SLC25A15: variants seen among roughly 807,000 people sequenced by gnomAD.
SLC25A15 encodes the protein solute carrier family 25 member 15, also known as mitochondrial ornithine transporter 1.
SLC25A15 carries 24 observed loss-of-function variants against 32.3 expected under a neutral mutation model. The observed-to-expected ratio is 0.74, with a 90% confidence interval of 0.54 to 1.04. SLC25A15 has a LOEUF of 1.04. SLC25A15 is among the 50% of genes least tolerant of loss of function. The pLI is 0.00. For synonymous variants in SLC25A15, 132 were observed against 142.1 expected (o/e 0.93, Z 0.51); for missense variants, 317 against 374.5 (o/e 0.85, Z 1.27).
intron 3 of SLC25A15, among the ~76,000 whole-genome samples, chr13:40,804,219 A>G (rs879601048): frequency 2.6e-5 from 4 of 152,116 alleles, no homozygotes; most frequent in South Asian, 2.1e-4. Flanking sequence ...CTCTTCTTCT[A>G]AGGGACTAAT....
chr13:40,798,989 T>G, intron 2 of SLC25A15, 68 bp from the exon 3 acceptor site: 1 of 1,613,556 alleles, frequency 6.2e-7, no homozygotes, highest in African/African-American at 1.3e-5. Context: ...GTAGGCTGCC[T>G]GTGCCTTCCT....
chr13:40,793,044 A>G (rs1394912816), intron 1 of SLC25A15, 114 bp from the exon 2 acceptor site: 1 of 671,130 alleles, frequency 1.5e-6, no homozygotes, highest in East Asian at 2.8e-5. Context: ...CCTTTGGAAC[A>G]GTGTGGACCC....
At chr13:40,802,130 A>G (rs1881916637) in intron 3 of SLC25A15, 1 of 152,264 alleles carries the variant, frequency 6.6e-6, no homozygotes, top group African/African-American at 2.4e-5. Flanking sequence ...ATTGCCTGTC[A>G]ACAGGTTAAC....
At position 40,809,548 on chromosome 13, in the gene SLC25A15, A is replaced by G; in HGVS notation, c.787A>G (p.Thr263Ala). The stretch of plus-strand genomic sequence containing the variant: ...ACCGCCCTTTTATTTGCTAGGAATA[A>G]CGGCCTTATATTCTGGACTGAAACC... ...FINVVKNEGI[T>A]ALYSGLKPTM... is the part of the protein sequence containing the mutation. Residue 263 changes from threonine to alanine, a missense_variant, in exon 7 of 7, where the codon ACG (threonine) becomes GCG (alanine). By Grantham distance (58) the Thr-to-Ala change is moderately conservative. Transcript: ENST00000338625. 6.2e-7 allele frequency: 1 copy of G among 1,612,042 alleles called. No homozygotes were observed. The highest frequency in any genetic ancestry group is 8.5e-7 in the Non-Finnish European group (1 of 1,179,862).
At position 40,810,530 on chromosome 13, in the gene SLC25A15, A is replaced by T. The variant is rs1418387415; in HGVS notation, c.*863A>T. On this transcript the variant is annotated 3_prime_UTR_variant, in exon 7 of 7. Coordinates refer to ENST00000338625, the MANE Select transcript of SLC25A15 (RefSeq NM_014252.4). Reference sequence around the variant, plus strand: ...ACTAAAATATCCTTCTAGATTTGTAAGACAGTATACCTGCATACTGGTGTG... The same window carrying T: ...ACTAAAATATCCTTCTAGATTTGTATGACAGTATACCTGCATACTGGTGTG... Among the ~76,000 whole-genome samples, 1 of 152,182 alleles carries T rather than the reference A, an allele frequency of 6.6e-6. No individual in the cohort carries two copies. The highest frequency in any genetic ancestry group is 2.4e-5 in the African/African-American group (1 of 41,454).
intron 6 of SLC25A15, among the ~76,000 whole-genome samples, chr13:40,808,932 C>CAAAATAA (rs1882323078): frequency 1.3e-5 from 1 of 78,854 alleles, no homozygotes; most frequent in Non-Finnish European, 2.5e-5. Flanking sequence ...GACTCTGTCT[C>CAAAATAA]AAAAAAAAAA....
intron 1 of SLC25A15, among the ~76,000 whole-genome samples, chr13:40,792,076 G>A (rs1289536516): frequency 1.3e-5 from 2 of 152,162 alleles, no homozygotes; most frequent in African/African-American, 2.4e-5. Context: ...AGGATTGGTC[G>A]TTGAGTTGGA....
At position 40,807,291 on chromosome 13, in the gene SLC25A15, C is replaced by T. The variant is rs1435166088; in HGVS notation, c.453-3C>T. 1 of 1,614,046 alleles carries T rather than the reference C, an allele frequency of 6.2e-7. No individual in the cohort carries two copies. The highest frequency in any genetic ancestry group is 8.5e-7 in the Non-Finnish European group (1 of 1,179,930). ...CGTGCTATCTCTCTGTGTCTCCTCCCAGTACAGTGTGGTCTGTCATCAAAA... is the reference window on the plus strand; with the variant it reads ...CGTGCTATCTCTCTGTGTCTCCTCCTAGTACAGTGTGGTCTGTCATCAAAA... On this transcript the variant is annotated splice_polypyrimidine_tract_variant and splice_region_variant and intron_variant, in intron 4 of 6. Coordinates refer to ENST00000338625, the MANE Select transcript of SLC25A15 (RefSeq NM_014252.4).
rs763217854 is a variant in SLC25A15, at chr13:40,810,742, C to T, written c.*1075C>T. On this transcript the variant is annotated 3_prime_UTR_variant, in exon 7 of 7. Coordinates refer to ENST00000338625, the MANE Select transcript of SLC25A15 (RefSeq NM_014252.4). ...GCCTTTACCAGCTTCCCTTCTCTCC[C>T]AAAGAACTTCCCTTCTTGGGCTTTA... 9.4e-6 allele frequency: 5 copies of T among 534,672 alleles called. No individual in the cohort carries two copies. Among genetic ancestry groups the T allele is most frequent in the Non-Finnish European group, 1.9e-5 (5 of 260,066 alleles). The allele number at this position is 534,672 out of a possible 1,614,324, so 33.1% of individuals were successfully genotyped here.
chr13:40,810,405 C>T lies in SLC25A15; in HGVS notation c.*738C>T, dbSNP rs1424783770. Among the ~76,000 whole-genome samples, 3 of 152,140 alleles carry T rather than the reference C, an allele frequency of 2.0e-5. No individual in the cohort carries two copies. The highest frequency in any genetic ancestry group is 3.9e-4 in the East Asian group (2 of 5,190). ...CTCGAACTCCTGACCTCAAGTGATC[C>T]GCCCACCTCGGCCTCCCAAAGTGCT... On this transcript the variant is annotated 3_prime_UTR_variant, in exon 7 of 7. Transcript: ENST00000338625.
intron 3 of SLC25A15, among the ~76,000 whole-genome samples, chr13:40,804,915 C>G (rs1265814696): frequency 6.6e-6 from 1 of 151,982 alleles, no homozygotes; most frequent in African/African-American, 2.4e-5. Context: ...AGTGGCTGTT[C>G]ACAGATGCAG....
intron 6 of SLC25A15, among the ~76,000 whole-genome samples, chr13:40,808,832 G>A (rs1882310798): frequency 6.8e-6 from 1 of 146,928 alleles, no homozygotes; most frequent in South Asian, 2.1e-4. Context: ...CTACTCGGGA[G>A]GCTGAGACAG....
intron 1 of SLC25A15, among the ~76,000 whole-genome samples, chr13:40,791,325 A>ATTTAT (rs1881490160): frequency 7.1e-6 from 1 of 141,362 alleles, no homozygotes; most frequent in East Asian, 2.3e-4. Context: ...TTATTTATTT[A>ATTTAT]TTTATTTATT....
chr13:40,798,745 C>T, intron 2 of SLC25A15: 1 of 985,184 alleles, frequency 1.0e-6, no homozygotes, highest in Non-Finnish European at 1.2e-6. Flanking sequence ...CAGGATCTCA[C>T]AGCAAAGCCA....
In SLC25A15 at chr13:40,812,214, G is replaced by C. The variant is rs1401401020; in HGVS notation, c.*2547G>C. On this transcript the variant is annotated 3_prime_UTR_variant, in exon 7 of 7. Transcript: ENST00000338625. ...AAGAAGTCAGTCATCCCTGTTGGCA[G>C]TAAATCTTCCCACAGGCCGTCCATT... Among the ~76,000 whole-genome samples, 2 of 152,160 alleles carry C rather than the reference G, an allele frequency of 1.3e-5. No individual in the cohort carries two copies. Among genetic ancestry groups the C allele is most frequent in the African/African-American group, 4.8e-5 (2 of 41,436 alleles).
At position 40,807,425 on chromosome 13, in the gene SLC25A15, G is replaced by C. The variant is rs770355365; in HGVS notation, c.584G>C (p.Arg195Pro). ...FFFFGGYELSRSFFASGRSKD... is the reference protein window; with the variant it reads ...FFFFGGYELSPSFFASGRSKD... ...TTCTTCGGTGGCTATGAACTGAGCC[G>C]GTCCTTTTTTGCATCAGGGAGATCA... Residue 195 changes from arginine (R) to proline (P), a missense_variant, in exon 5 of 7, where the codon CGG becomes CCG. Coordinates refer to ENST00000338625, the MANE Select transcript of SLC25A15 (RefSeq NM_014252.4). The C allele has an allele frequency of 6.2e-7, 1 of 1,614,058 alleles. No individual in the cohort carries two copies.
rs1202059091 is a variant in SLC25A15, at chr13:40,811,567, A to G, written c.*1900A>G. On this transcript the variant is annotated 3_prime_UTR_variant, in exon 7 of 7. Coordinates refer to ENST00000338625, the MANE Select transcript of SLC25A15 (RefSeq NM_014252.4). ...TTCACTGACCAAAAATTCACTGACC[A>G]ACCAACCAAACTCCACACTTCATCT... Among the ~76,000 whole-genome samples the G allele has an allele frequency of 3.9e-5, 6 of 152,106 alleles. No individual in the cohort carries two copies. The highest frequency in any genetic ancestry group is 1.4e-4 in the African/African-American group (6 of 41,430).
intron 3 of SLC25A15, 42 bp downstream of exon 3, chr13:40,799,357 C>T (rs772068337): frequency 6.2e-7 from 1 of 1,612,888 alleles, no homozygotes; most frequent in Non-Finnish European, 8.5e-7. Context: ...TTTAAAAAAA[C>T]CCCACAAAAC....
intron 1 of SLC25A15, among the ~76,000 whole-genome samples, chr13:40,790,711 C>T (rs1444634116): frequency 6.6e-6 from 1 of 152,210 alleles, no homozygotes; most frequent in African/African-American, 2.4e-5. Flanking sequence ...CCTCAGCCTC[C>T]CGAGTAGCTG....
Sources: gnomAD v4.1 joint callset for allele counts (sites outside exome capture counted in the v4.1 genomes callset) on GRCh38, gnomAD v4.1.1 for gene constraint, MANE v1.5 for transcripts, NCBI Gene and HGNC (gene_info 2026-07-23, HGNC 2026-07-21) for gene names.